CSGALNACT1: variants seen among roughly 807,000 people sequenced by gnomAD.
CSGALNACT1 encodes beta4GalNAcT-1.
Under a neutral mutation model 51.0 loss-of-function variants are expected in CSGALNACT1, and 52 were observed. The observed-to-expected ratio is 1.02, with a 90% CI of 0.82 to 1.29. The LOEUF is 1.29. Among genes scored for constraint, CSGALNACT1 ranks in the 50% most tolerant of loss-of-function variants. The pLI, the probability that CSGALNACT1 is intolerant of heterozygous loss-of-function variation, is 0.00. For missense variants in CSGALNACT1, 935 were observed against 679.2 expected (o/e 1.38, Z -4.19); for synonymous variants, 341 against 254.4 (o/e 1.34, Z -3.24).
chr8:19,739,658 C>T (rs1313152682), intron 1 of CSGALNACT1, among the ~76,000 whole-genome samples: 3 of 152,316 alleles, frequency 2.0e-5, no homozygotes, highest in East Asian at 1.9e-4. Flanking sequence ...CGTTCCTCTG[C>T]CCTTCCTTTC....
In CSGALNACT1 at chr8:19,452,856, T is replaced by A. The variant is rs1586342063; in HGVS notation, c.851+5570A>T. On this transcript the variant is annotated intron_variant, in intron 5 of 9. Coordinates refer to ENST00000454498, the Ensembl canonical transcript of CSGALNACT1. ...CAGAAGAGCCACAAGAAAAGGGAAC[T>A]TCAACAAAGGCTGCACAAAGCCCCT... is the stretch of plus-strand genomic sequence containing the variant. Among the ~76,000 whole-genome samples the A allele has an allele frequency of 1.3e-5, 2 of 152,260 alleles. 1 individual carries two copies. Among genetic ancestry groups the A allele is most frequent in the Admixed American group, 1.3e-4 (2 of 15,298 alleles).
At chr8:19,667,067 GAAA>G (rs2059427457) in intron 1 of CSGALNACT1, among the ~76,000 whole-genome samples, 1 of 121,884 alleles carries the variant, frequency 8.2e-6, no homozygotes, top group Admixed American at 8.5e-5. Context: ...AAGAAAGAAA[GAAA>G]GAAAGAAAGA....
rs999511008 is a variant in CSGALNACT1, at chr8:19,407,197, T to TTA, written c.1310-1129_1310-1128insTA. 5.3e-5 allele frequency among the ~76,000 whole-genome samples: 8 copies of TTA among 152,182 alleles called. No homozygotes were observed. In the East Asian group the frequency reaches 5.8e-4, roughly 11 times the overall value. Reference sequence around the variant, plus strand: ...GGACTTGACTTCAACATTTTTTTTTTAAATCTTTAACCTGGTGATTTCCTT... The same window carrying TTA: ...GGACTTGACTTCAACATTTTTTTTTTTAAAATCTTTAACCTGGTGATTTCCTT... On this transcript the variant is annotated intron_variant, in intron 9 of 9. Coordinates refer to ENST00000454498, the Ensembl canonical transcript of CSGALNACT1.
intron 4 of CSGALNACT1, among the ~76,000 whole-genome samples, chr8:19,485,028 G>T (rs571856509): frequency 7.9e-5 from 12 of 152,130 alleles, no homozygotes; most frequent in African/African-American, 2.9e-4. Context: ...CTGCCAGTGG[G>T]TGAGAAAATA....
chr8:19,621,579 C>A (rs2053829753), intron 1 of CSGALNACT1, among the ~76,000 whole-genome samples: 1 of 152,058 alleles, frequency 6.6e-6, no homozygotes, highest in Non-Finnish European at 1.5e-5. Context: ...GAGTTCAAGA[C>A]CAGCCTGGGC....
intron 6 of CSGALNACT1, among the ~76,000 whole-genome samples, chr8:19,429,535 C>G (rs772629232): frequency 3.3e-5 from 5 of 152,190 alleles, no homozygotes; most frequent in Non-Finnish European, 7.3e-5. Flanking sequence ...TGAGGTTCAT[C>G]CCATTGCAGC....
upstream of CSGALNACT1, chr8:19,682,694 ACCT>A (rs2060712403): frequency 2.2e-6 from 1 of 453,878 alleles, no homozygotes; most frequent in East Asian, 7.0e-5. Context: ...TGGGTTACTC[ACCT>A]CCGTGCAATT....
chr8:19,606,719 A>C (rs1334789206), upstream of CSGALNACT1, among the ~76,000 whole-genome samples: 1 of 151,632 alleles, frequency 6.6e-6, no homozygotes, highest in Non-Finnish European at 1.5e-5. Context: ...GCTTTTCTTC[A>C]CTTCAATTTC....
chr8:19,505,057 G>A (rs747487652), intron 4 of CSGALNACT1, 144 bp downstream of exon 3: 30 of 811,474 alleles, frequency 3.7e-5, no homozygotes, highest in Middle Eastern at 3.6e-4. Context: ...AAGCCATGCC[G>A]TACCTTTTGG....
At chr8:19,712,960 G>A (rs575515599) in intron 1 of CSGALNACT1, among the ~76,000 whole-genome samples, 1 of 152,274 alleles carries the variant, frequency 6.6e-6, no homozygotes, top group East Asian at 1.9e-4. Flanking sequence ...AAGGAAGCAT[G>A]GTTACAATCT....
chr8:19,462,069 A>G (rs2065677989), intron 4 of CSGALNACT1, among the ~76,000 whole-genome samples: 1 of 152,038 alleles, frequency 6.6e-6, no homozygotes, highest in Admixed American at 6.5e-5. Context: ...GGCCACATTC[A>G]CCACAGATGG....
At chr8:19,556,033 A>C (rs1166465971) in intron 3 of CSGALNACT1, among the ~76,000 whole-genome samples, 1 of 152,202 alleles carries the variant, frequency 6.6e-6, no homozygotes, top group Non-Finnish European at 1.5e-5. Context: ...GATAACACTG[A>C]AAGTTGTGAT....
intron 1 of CSGALNACT1, among the ~76,000 whole-genome samples, chr8:19,728,663 T>C (rs958375162): frequency 2.6e-5 from 4 of 152,196 alleles, no homozygotes; most frequent in African/African-American, 9.7e-5. Context: ...GTTGTAGGAA[T>C]AAAGTACTAT....
At chr8:19,666,783 G>GAAAC (rs1217897969) in intron 1 of CSGALNACT1, among the ~76,000 whole-genome samples, 1 of 14,672 alleles carries the variant, frequency 6.8e-5, no homozygotes, top group Non-Finnish European at 1.2e-4. Flanking sequence ...AAGAAAGAAA[G>GAAAC]AAAGAAAGAA....
chr8:19,687,692 C>G lies in CSGALNACT1; in HGVS notation c.-297+70158G>C, dbSNP rs564591974. On this transcript the variant is annotated intron_variant, in intron 1 of 1. Transcript: ENST00000517494. Reference sequence around the variant, plus strand: ...GCAGTTCCAGAAATGAAACTCCATTCACCTATTATCAACTCTAGTCTTTGA... The same window carrying G: ...GCAGTTCCAGAAATGAAACTCCATTGACCTATTATCAACTCTAGTCTTTGA... Among the ~76,000 whole-genome samples, 8 of 152,282 alleles carry G rather than the reference C, an allele frequency of 5.3e-5. No homozygotes were observed. The South Asian group carries it at 1.7e-3, about 32-fold the overall frequency.
intron 3 of CSGALNACT1, among the ~76,000 whole-genome samples, chr8:19,513,430 CTCTCTCTATA>C (rs2078852015): frequency 2.5e-5 from 2 of 78,726 alleles, no homozygotes; most frequent in Non-Finnish European, 5.3e-5. Flanking sequence ...CTCTCTCTCT[CTCTCTCTATA>C]TATATATATA....
chr8:19,511,684 T>C (rs938590775), intron 3 of CSGALNACT1, among the ~76,000 whole-genome samples: 1 of 152,146 alleles, frequency 6.6e-6, no homozygotes, highest in African/African-American at 2.4e-5. Flanking sequence ...CACACTGTAC[T>C]GGGGTCTTGA....
chr8:19,458,436 G>A lies in CSGALNACT1; in HGVS notation c.841C>T (p.Gln281Ter), dbSNP rs1458855564. The change falls in exon 5 of 10, where the codon CAG becomes TAG. Residue 281 changes from glutamine to a stop codon, truncating the protein, a stop_gained. Transcript: ENST00000454498. LOFTEE classifies it high-confidence loss of function. ...TGCGAACAAACCAACCTGAAATTCT[G>A]CATGAACTGCCGGAACTTGTCCACC... is the stretch of plus-strand genomic sequence containing the variant. 1.2e-6 allele frequency: 2 copies of A among 1,613,904 alleles called. No homozygotes were observed. The highest frequency in any genetic ancestry group is 1.7e-6 in the Non-Finnish European group (2 of 1,179,780).
chr8:19,468,319 A>G (rs1398546937), intron 4 of CSGALNACT1, among the ~76,000 whole-genome samples: 1 of 152,230 alleles, frequency 6.6e-6, no homozygotes, highest in Non-Finnish European at 1.5e-5. Context: ...CAGTTCGGCA[A>G]GGCTGGAGTG....
Sources: allele counts gnomAD v4.1 joint callset (sites outside exome capture counted in the v4.1 genomes callset), GRCh38; gene constraint gnomAD v4.1.1; transcripts MANE v1.5; gene names NCBI Gene and HGNC (gene_info 2026-07-23, HGNC 2026-07-21).